The following MGAM2 variants were observed in gnomAD, a reference collection of about 807,000 sequenced individuals.
MGAM2 encodes probable maltase-glucoamylase 2.
Under a neutral mutation model 96.1 loss-of-function variants are expected in MGAM2, and 98 were observed. The ratio of observed to expected loss-of-function variants is 1.02; its 90% CI spans 0.87 to 1.21. The LOEUF is 1.21. Among genes scored for constraint, MGAM2 ranks in the 50% most tolerant of loss-of-function variants. MGAM2 has a pLI of 0.00. For synonymous variants in MGAM2, 749 were observed against 414.8 expected (o/e 1.81, Z -9.79); for missense variants, 2,055 against 1,182.4 (o/e 1.74, Z -10.82).
rs759332548 is a variant in MGAM2, at chr7:142,173,284, G to A, written c.3617G>A (p.Arg1206His). ...PYWALGFHLSRYGYQNDAEIS... is the reference protein window; with the variant it reads ...PYWALGFHLSHYGYQNDAEIS... ...TGGGCCTTGGGATTCCATCTGAGTC[G>A]CTATGGATACCAGAATGATGCTGAA... Residue 1206 changes from arginine (R) to histidine (H), a missense_variant, in exon 31 of 48, where the codon CGC (arginine) becomes CAC (histidine). Transcript: ENST00000477922. The A allele has an allele frequency of 4.1e-5, 29 of 702,930 alleles. No homozygotes were observed. In the Middle Eastern group the frequency reaches 9.1e-4, roughly 22 times the overall value. 43.5% of individuals were successfully genotyped at this position (702,930 alleles called of 1,614,324 possible).
chr7:142,162,137 T>C, intron 23 of MGAM2, 133 bp downstream of exon 23: 1 of 492,166 alleles, frequency 2.0e-6, no homozygotes, highest in Non-Finnish European at 3.5e-6. Flanking sequence ...CAAAAAGGAA[T>C]CAAATGAACA....
intron 34 of MGAM2, 27 bp from the exon 35 acceptor site, chr7:142,185,962 C>T: frequency 1.4e-6 from 1 of 701,840 alleles, no homozygotes; most frequent in Non-Finnish European, 2.6e-6. Context: ...GAGACCCCGA[C>T]AATGAGAGTG....
intron 45 of MGAM2, among the ~76,000 whole-genome samples, chr7:142,202,224 C>T (rs1295335463): frequency 6.6e-6 from 1 of 152,186 alleles, no homozygotes; most frequent in Non-Finnish European, 1.5e-5. Flanking sequence ...ACTGCTGTCC[C>T]TGGGTATCCA....
At chr7:142,149,559 G>C (rs1375636519) in intron 15 of MGAM2, among the ~76,000 whole-genome samples, 2 of 129,158 alleles carry the variant, frequency 1.5e-5, no homozygotes, top group African/African-American at 2.9e-5. Context: ...TTTTTTTTTT[G>C]AGACGGAGTC....
intron 40 of MGAM2, 141 bp from the exon 41 acceptor site, chr7:142,197,259 T>TGG: frequency 1.7e-6 from 1 of 604,722 alleles, no homozygotes; most frequent in Non-Finnish European, 2.9e-6. Flanking sequence ...GTGGCAGAGA[T>TGG]GGGGGAAAGG....
intron 47 of MGAM2, among the ~76,000 whole-genome samples, chr7:142,218,800 C>A (rs1797838898): frequency 6.6e-6 from 1 of 152,114 alleles, no homozygotes; most frequent in South Asian, 2.1e-4. Flanking sequence ...ACCAAAGAGA[C>A]TGTGCTATGT....
chr7:142,221,358 A>G lies in MGAM2; in HGVS notation c.6847A>G (p.Asn2283Asp). The G allele has an allele frequency of 3.2e-6, 2 of 621,408 alleles. No homozygotes were observed. The highest frequency in any genetic ancestry group is 5.7e-6 in the Non-Finnish European group (2 of 348,008). The allele number at this position is 621,408 out of a possible 1,614,324, so 38.5% of individuals were successfully genotyped here. A position where few individuals can be genotyped will look rare whatever the true frequency, so the allele number is the denominator to read the frequency against. ...AAGTACTGATGCTACTACTACAAGT[A>G]ATAATACTAATCCTGGCATGACTAC... ...SPSTDATTTSNNTNPGMTTYY... is the reference protein window; with the variant it reads ...SPSTDATTTSDNTNPGMTTYY... The change falls in exon 48 of 48, where the codon AAT becomes GAT. Residue 2283 changes from asparagine to aspartate, a missense_variant. Asn to Asp is a conservative substitution (Grantham distance 23, BLOSUM62 1). Coordinates refer to ENST00000477922, the MANE Select transcript of MGAM2 (RefSeq NM_001293626.2).
rs1227011820 is a variant in MGAM2 at position 142,154,851 on chromosome 7, G to A, written c.1923+6G>A. On this transcript the variant is annotated splice_donor_region_variant and intron_variant, in intron 17 of 47. Coordinates refer to ENST00000477922, the MANE Select transcript of MGAM2 (RefSeq NM_001293626.2). ...ACAATGGGCCTGGGTTCAGGGTAAG[G>A]TCACCAAAAGAAGTGATGGAAACTT... 4.3e-6 allele frequency: 3 copies of A among 702,914 alleles called. No individual in the cohort carries two copies. Among genetic ancestry groups the A allele is most frequent in the East Asian group, 2.7e-5 (1 of 37,284 alleles). The allele number at this position is 702,914 out of a possible 1,614,324, so 43.5% of individuals were successfully genotyped here. A position where few individuals can be genotyped will look rare whatever the true frequency, so the allele number is the denominator to read the frequency against.
chr7:142,183,950 CTTTTTTTTTTTTTTTTTTTTTTTTT>C lies in MGAM2; in HGVS notation c.3924+593_3924+617del, dbSNP rs748299647. Among the ~76,000 whole-genome samples, 121 of 46,150 alleles carry C rather than the reference CTTTTTTTTTTTTTTTTTTTTTTTTT, an allele frequency of 2.6e-3. 4 individuals are homozygous for C. The highest frequency in any genetic ancestry group is 5.5e-3 in the African/African-American group (98 of 17,806). The allele number at this position is 46,150 out of a possible 152,430, so 30.3% of individuals were successfully genotyped here. On this transcript the variant is annotated intron_variant, in intron 33 of 47. Transcript: ENST00000477922. ...ACTGCTCTGGATGTATTCCAGGCTC[CTTTTTTTTTTTTTTTTTTTTTTTTT>C]TTTTTTTTTTTTTTTGAGATGGAGT...
Position 142,148,603 on chromosome 7 carries a change from G to A in MGAM2, c.1634+1030G>A, listed in dbSNP as rs115492028. ...CTCTTCTCACTGTGTAGTTTCTTCT[G>A]TGGAAGATGGTACAATACAATCATT... On this transcript the variant is annotated intron_variant, in intron 15 of 47. Transcript: ENST00000477922. The surrounding 1 kb of genome is among the most constrained non-coding windows in gnomAD (Gnocchi z 4.2). Among the ~76,000 whole-genome samples, 1,240 of 152,348 alleles carry A rather than the reference G, an allele frequency of 8.1e-3. 11 individuals carry two copies. The highest frequency in any genetic ancestry group is 0.028 in the African/African-American group (1,176 of 41,578).
chr7:142,213,014 T>C (rs143881984), intron 46 of MGAM2, among the ~76,000 whole-genome samples: 152,335 of 152,338 alleles, frequency 1, 76,166 homozygotes, highest in Non-Finnish European at 1. Flanking sequence ...CAAATTAGAA[T>C]TCAGGATTAA....
intron 10 of MGAM2, among the ~76,000 whole-genome samples, chr7:142,139,288 T>C (rs906669621): frequency 6.6e-6 from 1 of 152,204 alleles, no homozygotes; most frequent in African/African-American, 2.4e-5. Flanking sequence ...CTCCAGGAGA[T>C]GCATAACATG....
chr7:142,217,683 G>A (rs1258822147), intron 46 of MGAM2, among the ~76,000 whole-genome samples: 1 of 152,160 alleles, frequency 6.6e-6, no homozygotes, highest in Non-Finnish European at 1.5e-5. Flanking sequence ...AATAGCAGGA[G>A]TGAGTTCTTG....
intron 32 of MGAM2, among the ~76,000 whole-genome samples, chr7:142,176,878 T>C (rs1267784565): frequency 6.6e-6 from 1 of 152,202 alleles, no homozygotes. Context: ...TGCATTCTTT[T>C]TCTTCTCAAC....
chr7:142,183,488 G>T (rs1157529981), intron 33 of MGAM2, 115 bp downstream of exon 33: 4 of 617,778 alleles, frequency 6.5e-6, no homozygotes, highest in African/African-American at 5.5e-5. Context: ...TGAATGAGTA[G>T]AAATCTGTCC....
intron 35 of MGAM2, 71 bp downstream of exon 35, chr7:142,186,194 A>G: frequency 1.5e-6 from 1 of 672,538 alleles, no homozygotes; most frequent in Non-Finnish European, 2.7e-6. Flanking sequence ...GGGAGGAGAG[A>G]CTAGCAAAGC....
chr7:142,144,065 A>G, intron 13 of MGAM2, 183 bp downstream of exon 13: 1 of 434,980 alleles, frequency 2.3e-6, no homozygotes, highest in Non-Finnish European at 4.1e-6. Context: ...TAAGAGCCTT[A>G]GGTTCTTATC....
chr7:142,161,877 A>G (rs1203021921), intron 22 of MGAM2, 78 bp from the exon 23 acceptor site: 6 of 573,828 alleles, frequency 1.0e-5, no homozygotes, highest in Non-Finnish European at 1.8e-5. Flanking sequence ...AAGGAATTCC[A>G]GATGAAATGA....
At chr7:142,120,883 T>TG in intron 3 of MGAM2, among the ~76,000 whole-genome samples, 1 of 152,202 alleles carries the variant, frequency 6.6e-6, no homozygotes. Flanking sequence ...AATGGATACG[T>TG]GCTAAGGAAC....
Sources: gnomAD v4.1 joint callset for allele counts (sites outside exome capture counted in the v4.1 genomes callset) on GRCh38, gnomAD v4.1.1 for gene constraint, Gnocchi (gnomAD v3.1) non-coding constraint, MANE v1.5 for transcripts, NCBI Gene and HGNC (gene_info 2026-07-23, HGNC 2026-07-21) for gene names.